Variants in DISP1 observed in about 807,000 individuals in gnomAD.
DISP1 encodes protein dispatched homolog 1.
DISP1 carries 30 observed loss-of-function variants against 37.3 expected under a neutral mutation model. That is an observed-to-expected ratio of 0.80 (90% CI 0.60 to 1.09). The LOEUF (loss-of-function observed/expected upper bound fraction) is 1.09. Ranked by LOEUF, DISP1 falls within the 50% of genes least tolerant of loss-of-function variation. The pLI is 0.00. For synonymous variants in DISP1, 634 were observed against 690.2 expected (o/e 0.92, Z 1.28); for missense variants, 1,598 against 1,879.5 (o/e 0.85, Z 2.77).
chr1:222,883,401 C>G (rs549564025), intron 1 of DISP1, among the ~76,000 whole-genome samples: 1 of 152,250 alleles, frequency 6.6e-6, no homozygotes, highest in South Asian at 2.1e-4. Context: ...AGTCTGATCA[C>G]GAGGTCAGGA....
Position 223,004,454 on chromosome 1 carries a change from G to A in DISP1, c.3057G>A (p.Thr1019=), listed in dbSNP as rs139773800. 67 of 1,614,086 alleles carry A rather than the reference G, an allele frequency of 4.2e-5. No individual in the cohort carries two copies. In the African/African-American group the frequency reaches 6.5e-4, roughly 16 times the overall value. The change falls in exon 9 of 9, where the codon ACG becomes ACA. Residue 1019 remains threonine (T), a synonymous_variant. Coordinates refer to ENST00000675850, the MANE Select transcript of DISP1 (RefSeq NM_001377229.1). This position sits in a 1 kb window ranked among gnomAD's most constrained non-coding sequence, Gnocchi z 4.9. The part of the protein sequence containing the change: ...SLYAIISIAG[T]IFVTVGSLVL... ...ATGCCATCATTTCAATTGCTGGAAC[G>A]ATATTTGTCACTGTTGGTTCTCTTG...
In DISP1 at chr1:223,005,019, A is replaced by C; in HGVS notation, c.3622A>C (p.Thr1208Pro). The change falls in exon 9 of 9, where the codon ACC becomes CCC. Residue 1208 changes from threonine to proline, a missense_variant. Transcript: ENST00000675850. ...ASHSCTAPEK[T>P]TYEETHICSE... Reference sequence around the variant, plus strand: ...CCACAGCTGCACTGCCCCTGAGAAGACCACTTATGAAGAGACCCACATCTG... The same window carrying C: ...CCACAGCTGCACTGCCCCTGAGAAGCCCACTTATGAAGAGACCCACATCTG... 1.9e-6 allele frequency: 3 copies of C among 1,614,144 alleles called. No homozygotes were observed. Among genetic ancestry groups the C allele is most frequent in the Non-Finnish European group, 2.5e-6 (3 of 1,180,024 alleles).
intron 1 of DISP1, among the ~76,000 whole-genome samples, chr1:222,822,808 C>G (rs1356196617): frequency 6.6e-6 from 1 of 152,208 alleles, no homozygotes; most frequent in Non-Finnish European, 1.5e-5. Context: ...TTGCTGCACA[C>G]CTTCTTAAAA....
chr1:222,977,601 T>C (rs902904710), intron 3 of DISP1, among the ~76,000 whole-genome samples: 5 of 151,528 alleles, frequency 3.3e-5, no homozygotes, highest in African/African-American at 1.2e-4. Flanking sequence ...TAGTTACATA[T>C]GTATACATGT....
In DISP1 at chr1:222,868,940, T is replaced by A. The variant is rs139801437; in HGVS notation, c.-159+53862T>A. 6.4e-4 allele frequency among the ~76,000 whole-genome samples: 98 copies of A among 152,292 alleles called. 1 individual carries two copies. The East Asian group carries it at 0.016, about 24-fold the overall frequency. ...ATATTTGGCAGCAAGCTAATTAAAG[T>A]TAACATATTCACCAGTTAAAGATGA... is the stretch of plus-strand genomic sequence containing the variant. On this transcript the variant is annotated intron_variant, in intron 1 of 8. Transcript: ENST00000675850.
intron 2 of DISP1, among the ~76,000 whole-genome samples, chr1:222,936,592 G>GAGGT (rs1558339091): frequency 2.0e-4 from 10 of 49,938 alleles, no homozygotes; most frequent in South Asian, 1.1e-3. Context: ...ATATATGAGA[G>GAGGT]ATATATATCT....
rs201722504 is a variant in DISP1, at chr1:222,976,095, C to T, written c.510-6985C>T. Reference sequence around the variant, plus strand: ...ATGTTCCCACTGAAGATTATTGCTGCTTATTTGGGTTTGTTTTTATTAAAA... The same window carrying T: ...ATGTTCCCACTGAAGATTATTGCTGTTTATTTGGGTTTGTTTTTATTAAAA... On this transcript the variant is annotated intron_variant, in intron 3 of 8. Transcript: ENST00000675850. 2.9e-4 allele frequency among the ~76,000 whole-genome samples: 44 copies of T among 152,134 alleles called. No homozygotes were observed. In the East Asian group the frequency reaches 3.9e-3, roughly 13 times the overall value.
At chr1:222,888,711 G>A (rs528389873) in intron 1 of DISP1, among the ~76,000 whole-genome samples, 25 of 152,072 alleles carry the variant, frequency 1.6e-4, no homozygotes, top group African/African-American at 5.5e-4. Context: ...TAACCAAATC[G>A]TCTTAAACAT....
At position 222,983,009 on chromosome 1, in the gene DISP1, C is replaced by G. The variant is rs892510633; in HGVS notation, c.510-71C>G. The G allele has an allele frequency of 1.3e-5, 15 of 1,161,030 alleles. No homozygotes were observed. In the African/African-American group the frequency reaches 1.4e-4, roughly 11 times the overall value. The allele number at this position is 1,161,030 out of a possible 1,614,324, so 71.9% of individuals were successfully genotyped here. A position where few individuals can be genotyped will look rare whatever the true frequency, so the allele number is the denominator to read the frequency against. ...TAAAATGTTCAACACATATGTAAAG[C>G]CTTTGTTTATGTTATGATGTTTATG... On this transcript the variant is annotated intron_variant, in intron 3 of 8. Coordinates refer to ENST00000675850, the MANE Select transcript of DISP1 (RefSeq NM_001377229.1).
intron 1 of DISP1, among the ~76,000 whole-genome samples, chr1:222,878,244 A>G (rs1057253093): frequency 1.3e-5 from 2 of 152,208 alleles, no homozygotes; most frequent in East Asian, 1.9e-4. Flanking sequence ...ATAGCTTTTC[A>G]AAAGAAGATG....
Position 222,854,445 on chromosome 1 carries a change from G to A in DISP1, c.-159+39367G>A, listed in dbSNP as rs552891570. On this transcript the variant is annotated intron_variant, in intron 1 of 8. Coordinates refer to ENST00000675850, the MANE Select transcript of DISP1 (RefSeq NM_001377229.1). ...TCTTGTGAGACTCACTCTTTATCAC[G>A]AGAACATCATGGGGGAAACTGCCCC... Among the ~76,000 whole-genome samples, 5 of 152,094 alleles carry A rather than the reference G, an allele frequency of 3.3e-5. 1 individual carries two copies. The South Asian group carries it at 6.2e-4, about 19-fold the overall frequency.
intron 1 of DISP1, among the ~76,000 whole-genome samples, chr1:222,855,564 A>G (rs1001108016): frequency 1.3e-5 from 2 of 152,290 alleles, no homozygotes; most frequent in African/African-American, 4.8e-5. Flanking sequence ...CTATGCCACC[A>G]TACTTCTTAA....
chr1:222,841,888 T>G (rs949638075), intron 1 of DISP1, among the ~76,000 whole-genome samples: 4 of 152,154 alleles, frequency 2.6e-5, no homozygotes, highest in African/African-American at 9.7e-5. Flanking sequence ...TCTTTCTGGC[T>G]GAAGCATCTC....
chr1:222,826,093 G>A lies in DISP1; in HGVS notation c.-159+11015G>A, dbSNP rs1287917310. Among the ~76,000 whole-genome samples, 3 of 152,104 alleles carry A rather than the reference G, an allele frequency of 2.0e-5. No individual in the cohort carries two copies. The South Asian group carries it at 6.2e-4, about 32-fold the overall frequency. ...ATTTAAAAATTGTTTTGTAGAGACA[G>A]AGGTCTCGTTTCATTGCCTATGTTG... On this transcript the variant is annotated intron_variant, in intron 1 of 8. Transcript: ENST00000675850.
intron 1 of DISP1, among the ~76,000 whole-genome samples, chr1:222,880,654 C>T (rs953111962): frequency 6.6e-6 from 1 of 152,150 alleles, no homozygotes; most frequent in Admixed American, 6.5e-5. Flanking sequence ...GAGTGGGCAA[C>T]ATTTTCCTTT....
chr1:222,885,287 A>G (rs1230547442), intron 1 of DISP1, among the ~76,000 whole-genome samples: 1 of 151,936 alleles, frequency 6.6e-6, no homozygotes, highest in Non-Finnish European at 1.5e-5. Flanking sequence ...ACTGTTATTA[A>G]TTTATATTTT....
At chr1:222,837,314 T>G (rs1667284140) in intron 1 of DISP1, 3 of 379,968 alleles carry the variant, frequency 7.9e-6, no homozygotes, top group Non-Finnish European at 1.4e-5. Flanking sequence ...CAGAGCTGTC[T>G]CTCCACCCTA....
chr1:222,939,059 A>T (rs1488889887), intron 2 of DISP1, among the ~76,000 whole-genome samples: 1 of 152,194 alleles, frequency 6.6e-6, no homozygotes, highest in Admixed American at 6.5e-5. Flanking sequence ...CACTCATGTG[A>T]CTTGCTTCAA....
intron 1 of DISP1, among the ~76,000 whole-genome samples, chr1:222,858,245 A>T (rs942915244): frequency 6.6e-6 from 1 of 152,212 alleles, no homozygotes; most frequent in Admixed American, 6.5e-5. Context: ...TATCTATACT[A>T]GCCCTAAAAG....
Sources: allele counts gnomAD v4.1 joint callset (sites outside exome capture counted in the v4.1 genomes callset), GRCh38; gene constraint gnomAD v4.1.1; non-coding constraint Gnocchi (gnomAD v3.1); transcripts MANE v1.5; gene names NCBI Gene and HGNC (gene_info 2026-07-23, HGNC 2026-07-21).